CPEB2: variants seen among roughly 807,000 people sequenced by gnomAD.
The protein encoded by CPEB2 is cytoplasmic polyadenylation element binding protein 2.
In CPEB2, 56 loss-of-function variants were observed where a neutral mutation model predicts 93.6. That is an observed-to-expected ratio of 0.60 (90% CI 0.48 to 0.75). The LOEUF (loss-of-function observed/expected upper bound fraction) is 0.75. CPEB2 is among the 30% of genes least tolerant of loss of function. The probability of loss-of-function intolerance (pLI) is 0.00; values close to 1 mark genes in which losing one functional copy is unlikely to be tolerated. For missense variants in CPEB2, 1,579 were observed against 1,395.1 expected (o/e 1.13, Z -2.10); for synonymous variants, 764 against 586.3 (o/e 1.30, Z -4.38).
At chr4:15,049,454 T>TC (rs397992345) in intron 6 of CPEB2, among the ~76,000 whole-genome samples, 5 of 152,022 alleles carry the variant, frequency 3.3e-5, no homozygotes, top group Admixed American at 3.3e-4. Context: ...GTGATTTTTT[T>TC]CCTTAAAATC....
intron 11 of CPEB2, 113 bp downstream of exon 11, chr4:15,062,373 T>A: frequency 1.5e-6 from 1 of 678,662 alleles, no homozygotes; most frequent in Non-Finnish European, 2.3e-6. Flanking sequence ...TATACTTCTG[T>A]AAGTCTTAAA....
chr4:15,062,529 G>C (rs1729291221), intron 11 of CPEB2, among the ~76,000 whole-genome samples: 1 of 152,004 alleles, frequency 6.6e-6, no homozygotes, highest in Non-Finnish European at 1.5e-5. Flanking sequence ...AACCGTGGAG[G>C]CAGAGGTTGT....
intron 4 of CPEB2, 86 bp downstream of exon 4, chr4:15,017,364 G>A (rs999953012): frequency 1.6e-5 from 10 of 628,134 alleles, no homozygotes; most frequent in Non-Finnish European, 2.7e-5. Flanking sequence ...TGAAACCTAA[G>A]TAGCACCTAT....
chr4:15,019,765 T>A (rs1269496441), intron 4 of CPEB2, among the ~76,000 whole-genome samples: 1 of 152,124 alleles, frequency 6.6e-6, no homozygotes, highest in Non-Finnish European at 1.5e-5. Flanking sequence ...GAATTATTTC[T>A]CTTTATATTA....
rs7676280 is a variant in CPEB2, at chr4:15,014,154, A to C, written c.2035-3034A>C. Among the ~76,000 whole-genome samples, 447 of 152,174 alleles carry C rather than the reference A, an allele frequency of 2.9e-3. 5 individuals carry two copies. The highest frequency in any genetic ancestry group is 0.011 in the African/African-American group (442 of 41,548). ...AGGGTACTTTCCCCTACACCTCCAG[A>C]AAAAGGAAGTTACTTGGGAAATATT... is the stretch of plus-strand genomic sequence containing the variant. On this transcript the variant is annotated intron_variant, in intron 3 of 11. Coordinates refer to ENST00000538197, the MANE Select transcript of CPEB2 (RefSeq NM_001177382.2).
chr4:15,044,242 T>G (rs1696198768), intron 6 of CPEB2, among the ~76,000 whole-genome samples: 1 of 152,246 alleles, frequency 6.6e-6, no homozygotes, highest in South Asian at 2.1e-4. Context: ...ATTTATTCAT[T>G]GACTTTTGTC....
chr4:15,040,374 C>T, intron 5 of CPEB2, 90 bp from the exon 6 acceptor site: 1 of 1,199,980 alleles, frequency 8.3e-7, no homozygotes, highest in Admixed American at 2.1e-5. Context: ...TTTTCAGATG[C>T]CCACATAGCT....
At chr4:15,018,937 T>TAG (rs1491568222) in intron 4 of CPEB2, among the ~76,000 whole-genome samples, 1 of 10,478 alleles carries the variant, frequency 9.5e-5, no homozygotes, top group Non-Finnish European at 1.3e-4. Context: ...AGGGGAATTT[T>TAG]ATATATATAT....
chr4:15,045,865 C>CAGT (rs1251971570), intron 6 of CPEB2, among the ~76,000 whole-genome samples: 6 of 151,984 alleles, frequency 3.9e-5, no homozygotes, highest in Admixed American at 2.6e-4. Context: ...TTATAAGTAT[C>CAGT]AGTCTCAAGT....
In CPEB2 at chr4:15,003,872, C is replaced by T; in HGVS notation, c.1199C>T (p.Thr400Ile). 1 of 864,314 alleles carries T rather than the reference C, an allele frequency of 1.2e-6. No homozygotes were observed. Among genetic ancestry groups the T allele is most frequent in the Non-Finnish European group, 1.5e-6 (1 of 655,104 alleles). The allele number at this position is 864,314 out of a possible 1,614,324, so 53.5% of individuals were successfully genotyped here. ...PPPQPQQPPP[T>I]QPQQQPPPPQ... is the part of the protein sequence containing the mutation. The stretch of plus-strand genomic sequence containing the variant: ...CCCCAGCCCCAGCAGCCGCCGCCGA[C>T]CCAGCCGCAGCAGCAGCCGCCGCCA... Residue 400 changes from threonine to isoleucine, a missense_variant, in exon 1 of 12, where the codon ACC (threonine) becomes ATC (isoleucine). By Grantham distance (89) the Thr-to-Ile change is moderately conservative (BLOSUM62 -1). This residue lies in a region of CPEB2 where 1,411 missense variants were observed against 1,056.0 expected (regional missense o/e 1.34). Coordinates refer to ENST00000538197, the MANE Select transcript of CPEB2 (RefSeq NM_001177382.2).
intron 1 of CPEB2, among the ~76,000 whole-genome samples, chr4:15,006,183 AGAG>A (rs1363354571): frequency 6.6e-6 from 1 of 152,214 alleles, no homozygotes; most frequent in African/African-American, 2.4e-5. Flanking sequence ...CCTCTGTGGA[AGAG>A]GAAAGAGTAA....
At chr4:15,031,466 T>C (rs934625543) in intron 4 of CPEB2, among the ~76,000 whole-genome samples, 4 of 152,156 alleles carry the variant, frequency 2.6e-5, no homozygotes, top group Admixed American at 2.0e-4. Context: ...TGGCTGTTGA[T>C]TGTGTACTTC....
At chr4:15,031,018 G>T (rs868044935) in intron 4 of CPEB2, among the ~76,000 whole-genome samples, 4 of 152,182 alleles carry the variant, frequency 2.6e-5, no homozygotes, top group African/African-American at 9.6e-5. Context: ...ACTTTCCCAG[G>T]AAGTCTTGCC....
intron 10 of CPEB2, among the ~76,000 whole-genome samples, chr4:15,060,070 T>G (rs958806162): frequency 6.6e-6 from 1 of 152,108 alleles, no homozygotes; most frequent in African/African-American, 2.4e-5. Flanking sequence ...AGCTGACATA[T>G]AAAGACTGGG....
chr4:15,055,842 C>CTGAT (rs1728666708), intron 8 of CPEB2, among the ~76,000 whole-genome samples: 2 of 152,128 alleles, frequency 1.3e-5, no homozygotes, highest in Admixed American at 1.3e-4. Flanking sequence ...ACTCTCTAGA[C>CTGAT]TGATTGTATC....
rs147297874 is a variant in CPEB2 at position 15,017,303 on chromosome 4, A to T, written c.2125+25A>T. ...GGTAGGTGACTTTTTAAAAAAATAT[A>T]TGTTTATATTATACACCAATTTGCT... On this transcript the variant is annotated intron_variant, in intron 4 of 11. Transcript: ENST00000538197. 1.8e-3 allele frequency: 2,255 copies of T among 1,265,160 alleles called. 23 individuals carry two copies. In the African/African-American group the frequency reaches 0.031, roughly 17 times the overall value. 78.4% of individuals were successfully genotyped at this position (1,265,160 alleles called of 1,614,324 possible).
Position 15,012,737 on chromosome 4 carries a change from G to A in CPEB2, c.2034+4310G>A, listed in dbSNP as rs185229759. The stretch of plus-strand genomic sequence containing the variant: ...GTAAAAATTAGAGAACTAAACACAA[G>A]CATTGTAAGTACAATAAAAGCTGAT... On this transcript the variant is annotated intron_variant, in intron 3 of 11. Coordinates refer to ENST00000538197, the MANE Select transcript of CPEB2 (RefSeq NM_001177382.2). 5.2e-4 allele frequency among the ~76,000 whole-genome samples: 79 copies of A among 152,114 alleles called. No individual in the cohort carries two copies. In the East Asian group the frequency reaches 7.9e-3, roughly 15 times the overall value.
At chr4:15,045,432 AT>A (rs1226590423) in intron 6 of CPEB2, among the ~76,000 whole-genome samples, 1 of 152,138 alleles carries the variant, frequency 6.6e-6, no homozygotes, top group Non-Finnish European at 1.5e-5. Flanking sequence ...GCGTATATAC[AT>A]TTTAATTTAG....
At chr4:15,037,129 C>T (rs1726688620) in intron 5 of CPEB2, among the ~76,000 whole-genome samples, 1 of 151,936 alleles carries the variant, frequency 6.6e-6, no homozygotes, top group African/African-American at 2.4e-5. Context: ...GGTGAAACCC[C>T]GTCTCTACTA....
Sources: allele counts gnomAD v4.1 joint callset (sites outside exome capture counted in the v4.1 genomes callset), GRCh38; gene constraint gnomAD v4.1.1; regional missense constraint gnomAD v4.1.1; transcripts MANE v1.5; gene names NCBI Gene and HGNC (gene_info 2026-07-23, HGNC 2026-07-21).